FUBP1: variants seen among roughly 807,000 people sequenced by gnomAD.
FUBP1 encodes the protein far upstream element binding protein 1, also known as far upstream element-binding protein 1.
FUBP1 carries 16 observed loss-of-function variants against 94.9 expected under a neutral mutation model. That is an observed-to-expected ratio of 0.17 (90% CI 0.11 to 0.26). The LOEUF (loss-of-function observed/expected upper bound fraction) is 0.26. Among genes scored for constraint, FUBP1 ranks in the 10% least tolerant of loss-of-function variants. The probability of loss-of-function intolerance (pLI) is 1.00; values close to 1 mark genes in which losing one functional copy is unlikely to be tolerated. For synonymous variants in FUBP1, 279 were observed against 254.9 expected (o/e 1.09, Z -0.90); for missense variants, 583 against 808.6 (o/e 0.72, Z 3.38).
chr1:77,958,549 T>C (rs1407852422), intron 16 of FUBP1, among the ~76,000 whole-genome samples: 2 of 152,234 alleles, frequency 1.3e-5, no homozygotes, highest in African/African-American at 4.8e-5. Context: ...CAGTAACCCT[T>C]TGATAAATCT....
rs1305690007 is a variant in FUBP1, at chr1:77,945,534, T to C, written c.*3232A>G. 4.7e-6 allele frequency: 1 copy of C among 211,638 alleles called. No individual in the cohort carries two copies. Among genetic ancestry groups the C allele is most frequent in the Non-Finnish European group, 9.6e-6 (1 of 104,282 alleles). The allele number at this position is 211,638 out of a possible 1,614,324, so 13.1% of individuals were successfully genotyped here. A position where few individuals can be genotyped will look rare whatever the true frequency, so the allele number is the denominator to read the frequency against. ...CTACATTGAGCCCTTCTATGGTCCA[T>C]GCTCATCGGCTCACCAATGGCATAC... On this transcript the variant is annotated 3_prime_UTR_variant, in exon 20 of 20. Transcript: ENST00000370768.
At chr1:77,955,406 G>A in intron 17 of FUBP1, 77 bp from the exon 18 acceptor site, 1 of 792,740 alleles carries the variant, frequency 1.3e-6, no homozygotes, top group Non-Finnish European at 2.2e-6. Context: ...TTGGGTGCAG[G>A]AGCTGGCAGG....
At chr1:77,959,005 C>T (rs1654974453) in intron 16 of FUBP1, among the ~76,000 whole-genome samples, 1 of 152,210 alleles carries the variant, frequency 6.6e-6, no homozygotes, top group Non-Finnish European at 1.5e-5. Flanking sequence ...CAACTTTGCA[C>T]ACCTATATCC....
chr1:77,971,189 T>C (rs953661050), intron 1 of FUBP1, among the ~76,000 whole-genome samples: 2 of 152,212 alleles, frequency 1.3e-5, no homozygotes, highest in African/African-American at 2.4e-5. Flanking sequence ...TTCTGCCACA[T>C]TGCTGAGTGG....
upstream of FUBP1, chr1:77,979,099 A>C: frequency 8.0e-7 from 1 of 1,251,726 alleles, no homozygotes; most frequent in Non-Finnish European, 1.1e-6. Context: ...AAGCTCTATT[A>C]CATTCTTGCG....
chr1:77,951,108 G>A (rs1041718248), intron 18 of FUBP1, among the ~76,000 whole-genome samples: 1 of 152,154 alleles, frequency 6.6e-6, no homozygotes, highest in Admixed American at 6.5e-5. Context: ...ACCACACATT[G>A]TCTCTTACAG....
rs1475740905 is a variant in FUBP1, at chr1:77,945,277, T to C, written c.*3489A>G. The stretch of plus-strand genomic sequence containing the variant: ...GCTCTCAAGTTTCAATGAGCCCCTT[T>C]ATATTATCAATTGTACATACCTATC... On this transcript the variant is annotated 3_prime_UTR_variant, in exon 20 of 20. Transcript: ENST00000370768. 2.0e-5 allele frequency among the ~76,000 whole-genome samples: 3 copies of C among 151,994 alleles called. No individual in the cohort carries two copies. Among genetic ancestry groups the C allele is most frequent in the Non-Finnish European group, 2.9e-5 (2 of 67,902 alleles).
At chr1:77,979,209 A>G (rs1659372230), upstream of FUBP1, 4 of 559,326 alleles carry the variant, frequency 7.2e-6, no homozygotes, top group African/African-American at 3.8e-5. Context: ...AAAGAACGAC[A>G]GGAACAGAGA....
chr1:77,962,966 C>A, intron 13 of FUBP1, 36 bp from the exon 14 acceptor site: 1 of 1,497,224 alleles, frequency 6.7e-7, no homozygotes, highest in South Asian at 1.2e-5. Context: ...CTAAAGGTTT[C>A]AAGGGTGTAC....
chr1:77,979,081 G>A (rs983332751), upstream of FUBP1: 6 of 1,366,046 alleles, frequency 4.4e-6, no homozygotes, highest in Admixed American at 5.3e-5. Flanking sequence ...AGAAAATGGC[G>A]GCCGTCGAAG....
Position 77,964,651 on chromosome 1 carries a change from T to A in FUBP1, c.832A>T (p.Ile278Leu), listed in dbSNP as rs1656140214. The part of the protein sequence containing the change: ...YGSRIGGNEG[I>L]DVPIPRFAVG... ...GAATGGGTATTTTTACTTACATCTA[T>A]CCCTTCATTTCCTCCTATTCTTGAC... The change falls in exon 10 of 20, where the codon ATA becomes TTA. Residue 278 changes from isoleucine (I) to leucine (L), a missense_variant. Coordinates refer to ENST00000370768, the MANE Select transcript of FUBP1 (RefSeq NM_003902.5). The A allele has an allele frequency of 6.5e-7, 1 of 1,546,578 alleles. No individual in the cohort carries two copies. Among genetic ancestry groups the A allele is most frequent in the Non-Finnish European group, 8.9e-7 (1 of 1,118,622 alleles).
Position 77,949,318 on chromosome 1 carries a change from T to C in FUBP1, c.1781-18A>G, listed in dbSNP as rs780941453. ...TGCCTGACCTTTGAAAAAAAAGAAC[T>C]TTGTTGCTGTAACCACAATTATAAG... On this transcript the variant is annotated intron_variant, in intron 18 of 19. Coordinates refer to ENST00000370768, the MANE Select transcript of FUBP1 (RefSeq NM_003902.5). 11 of 1,608,124 alleles carry C rather than the reference T, an allele frequency of 6.8e-6. No individual in the cohort carries two copies. The highest frequency in any genetic ancestry group is 3.3e-5 in the South Asian group (3 of 90,778).
In FUBP1 at chr1:77,956,600, T is replaced by C. The variant is rs372468337; in HGVS notation, c.1677A>G (p.Ala559=). 26 of 1,612,488 alleles carry C rather than the reference T, an allele frequency of 1.6e-5. No homozygotes were observed. The African/African-American group carries it at 2.7e-4, about 17-fold the overall frequency. Reference sequence around the variant, plus strand: ...GTCCATTAGTTTGAGTTGTAGTTGGTGCACCTGCAGGGGCTGCTGGTGGTG... The same window carrying C: ...GTCCATTAGTTTGAGTTGTAGTTGGCGCACCTGCAGGGGCTGCTGGTGGTG... ...AQPPPAAPAG[A]PTTTQTNGQG... Residue 559 remains alanine (A), a synonymous_variant, in exon 17 of 20, where the codon GCA becomes GCG. Transcript: ENST00000370768.
At chr1:77,965,927 T>G (rs779770673) in intron 7 of FUBP1, among the ~76,000 whole-genome samples, 14 of 152,170 alleles carry the variant, frequency 9.2e-5, no homozygotes, top group Admixed American at 7.9e-4. Flanking sequence ...CATGCACCGG[T>G]AGTCCCAGCT....
chr1:77,959,554 A>C (rs1655079586), intron 16 of FUBP1, among the ~76,000 whole-genome samples: 1 of 152,086 alleles, frequency 6.6e-6, no homozygotes. Flanking sequence ...ATATATACAT[A>C]ATTTTTTAAG....
intron 16 of FUBP1, among the ~76,000 whole-genome samples, chr1:77,957,121 T>C (rs143447150): frequency 2.0e-5 from 3 of 152,200 alleles, no homozygotes; most frequent in Non-Finnish European, 4.4e-5. Flanking sequence ...AAAATTATTT[T>C]AGAACAATGA....
At position 77,947,965 on chromosome 1, in the gene FUBP1, TA is replaced by T. The variant is rs1652529288; in HGVS notation, c.*800del. 9.9e-7 allele frequency: 1 copy of T among 1,009,418 alleles called. No individual in the cohort carries two copies. The highest frequency in any genetic ancestry group is 5.7e-5 in the East Asian group (1 of 17,590). The allele number at this position is 1,009,418 out of a possible 1,614,324, so 62.5% of individuals were successfully genotyped here. A position where few individuals can be genotyped will look rare whatever the true frequency, so the allele number is the denominator to read the frequency against. On this transcript the variant is annotated 3_prime_UTR_variant, in exon 20 of 20. Transcript: ENST00000370768. ...AAAACTGTTCTTATTAGACTACTCA[TA>T]TTCACTATCTGAAAACTGTTTAAAA...
At chr1:77,973,797 T>C (rs370592716) in intron 1 of FUBP1, among the ~76,000 whole-genome samples, 93 of 152,360 alleles carry the variant, frequency 6.1e-4, no homozygotes, top group African/African-American at 2.1e-3. Flanking sequence ...CAATCAGATA[T>C]TCTGGGGTAG....
At chr1:77,973,810 G>A (rs1401546488) in intron 1 of FUBP1, among the ~76,000 whole-genome samples, 2 of 152,150 alleles carry the variant, frequency 1.3e-5, no homozygotes, top group Admixed American at 6.5e-5. Context: ...TGGGGTAGGG[G>A]AGGGTCCCCT....
Sources: allele counts gnomAD v4.1 joint callset (sites outside exome capture counted in the v4.1 genomes callset), GRCh38; gene constraint gnomAD v4.1.1; transcripts MANE v1.5; gene names NCBI Gene and HGNC (gene_info 2026-07-23, HGNC 2026-07-21).